SPOCK1: variants seen among roughly 807,000 people sequenced by gnomAD.
SPOCK1 encodes the protein SPARC (osteonectin), cwcv and kazal like domains proteoglycan 1, also known as testican-1.
Under a neutral mutation model 55.3 loss-of-function variants are expected in SPOCK1, and 23 were observed. The ratio of observed to expected loss-of-function variants is 0.42; its 90% CI spans 0.30 to 0.59. The LOEUF is 0.59. Ranked by LOEUF, SPOCK1 falls within the 20% of genes least tolerant of loss-of-function variation. The pLI is 0.22. For synonymous variants in SPOCK1, 226 were observed against 221.0 expected (o/e 1.02, Z -0.20); for missense variants, 499 against 552.5 (o/e 0.90, Z 0.97).
At chr5:137,232,257 C>A (rs1161970930) in intron 3 of SPOCK1, among the ~76,000 whole-genome samples, 1 of 152,108 alleles carries the variant, frequency 6.6e-6, no homozygotes. Context: ...AGTCTGAATT[C>A]TTTGTCTAGG....
rs60079236 is a variant in SPOCK1 at position 137,283,612 on chromosome 5, G to A, written c.187-16557C>T. 1.4e-3 allele frequency among the ~76,000 whole-genome samples: 218 copies of A among 152,264 alleles called. 1 individual carries two copies. Among genetic ancestry groups the A allele is most frequent in the African/African-American group, 5.1e-3 (212 of 41,546 alleles). The stretch of plus-strand genomic sequence containing the variant: ...CACCTGCAGTCCCAGCTACCTGGGA[G>A]GATGAGACAGGAGAATCACTTGAAC... On this transcript the variant is annotated intron_variant, in intron 2 of 10. Transcript: ENST00000394945.
intron 5 of SPOCK1, among the ~76,000 whole-genome samples, chr5:137,073,834 T>C (rs1462957679): frequency 6.6e-6 from 1 of 152,216 alleles, no homozygotes; most frequent in African/African-American, 2.4e-5. Context: ...GAATGAAACA[T>C]TCACACAGTC....
intron 6 of SPOCK1, among the ~76,000 whole-genome samples, chr5:137,008,506 T>A (rs552692804): frequency 6.6e-6 from 1 of 152,226 alleles, no homozygotes; most frequent in African/African-American, 2.4e-5. Flanking sequence ...GTGCTATCAA[T>A]AATAAATACT....
intron 5 of SPOCK1, among the ~76,000 whole-genome samples, chr5:137,111,770 C>T (rs976838987): frequency 6.6e-6 from 1 of 152,060 alleles, no homozygotes; most frequent in Non-Finnish European, 1.5e-5. Context: ...GAGGCTTTTC[C>T]TCATCTTTCC....
At chr5:137,245,884 A>G (rs1020902576) in intron 3 of SPOCK1, among the ~76,000 whole-genome samples, 5 of 152,224 alleles carry the variant, frequency 3.3e-5, no homozygotes, top group African/African-American at 1.2e-4. Context: ...ATTAACATAT[A>G]AAAGGCTTTG....
chr5:137,303,420 C>A (rs1342145680), intron 2 of SPOCK1, among the ~76,000 whole-genome samples: 2 of 151,932 alleles, frequency 1.3e-5, no homozygotes, highest in East Asian at 1.9e-4. Context: ...GTCTCTGTAG[C>A]CTTAACTCAG....
At chr5:137,134,717 A>G (rs1753948304) in intron 4 of SPOCK1, among the ~76,000 whole-genome samples, 1 of 152,202 alleles carries the variant, frequency 6.6e-6, no homozygotes, top group South Asian at 2.1e-4. Context: ...AGCTATGTGT[A>G]TGTGTAATCA....
At chr5:137,237,904 T>A (rs1021743444) in intron 3 of SPOCK1, among the ~76,000 whole-genome samples, 3 of 152,210 alleles carry the variant, frequency 2.0e-5, no homozygotes, top group African/African-American at 7.2e-5. Context: ...AAGGCACTGC[T>A]TCAGGAAATA....
At position 137,141,012 on chromosome 5, in the gene SPOCK1, G is replaced by A. The variant is rs370520964; in HGVS notation, c.233-318C>T. Among the ~76,000 whole-genome samples, 46 of 152,086 alleles carry A rather than the reference G, an allele frequency of 3.0e-4. 1 individual carries two copies. The South Asian group carries it at 9.5e-3, about 32-fold the overall frequency. On this transcript the variant is annotated intron_variant, in intron 3 of 10. Coordinates refer to ENST00000394945, the MANE Select transcript of SPOCK1 (RefSeq NM_004598.4). Reference sequence around the variant, plus strand: ...CGACTTCAGATGATCCACCTGCCTCGACCTCCCAAAGTGCTGGGATTACAG... The same window carrying A: ...CGACTTCAGATGATCCACCTGCCTCAACCTCCCAAAGTGCTGGGATTACAG...
chr5:137,271,157 G>A (rs958195844), intron 2 of SPOCK1, among the ~76,000 whole-genome samples: 4 of 151,846 alleles, frequency 2.6e-5, no homozygotes, highest in African/African-American at 9.7e-5. Context: ...TAAGACTCCA[G>A]TTATTGTTTT....
intron 5 of SPOCK1, among the ~76,000 whole-genome samples, chr5:137,099,619 T>C (rs1753223440): frequency 6.6e-6 from 1 of 151,774 alleles, no homozygotes; most frequent in African/African-American, 2.4e-5. Context: ...CACACACATA[T>C]GTATATATAT....
intron 2 of SPOCK1, among the ~76,000 whole-genome samples, chr5:137,356,788 CA>C (rs1216483794): frequency 1.4e-5 from 1 of 72,422 alleles, no homozygotes; most frequent in East Asian, 4.0e-4. Context: ...AAGACTGTCT[CA>C]AAAAAAATAA....
intron 4 of SPOCK1, among the ~76,000 whole-genome samples, chr5:137,130,324 T>A (rs1753850326): frequency 1.3e-5 from 2 of 152,212 alleles, no homozygotes; most frequent in African/African-American, 2.4e-5. Context: ...CTATGCCCAC[T>A]CATCATAAAA....
At position 137,347,426 on chromosome 5, in the gene SPOCK1, T is replaced by C. The variant is rs556034620; in HGVS notation, c.187-80371A>G. ...GGTTCATGCTTCTTTGTCCTTCCAG[T>C]ATCAACTAAAACAGCCTCTTAGGCC... On this transcript the variant is annotated intron_variant, in intron 2 of 10. Transcript: ENST00000394945. Among the ~76,000 whole-genome samples the C allele has an allele frequency of 3.3e-5, 5 of 152,274 alleles. No homozygotes were observed. In the South Asian group the frequency reaches 1.0e-3, roughly 32 times the overall value.
At chr5:137,010,075 C>A (rs1751322838) in intron 6 of SPOCK1, among the ~76,000 whole-genome samples, 5 of 152,070 alleles carry the variant, frequency 3.3e-5, no homozygotes, top group Admixed American at 3.3e-4. Flanking sequence ...TGGGGTGTCC[C>A]CAGGGCCCTA....
intron 2 of SPOCK1, among the ~76,000 whole-genome samples, chr5:137,447,441 T>C (rs1753152440): frequency 6.6e-6 from 1 of 152,198 alleles, no homozygotes; most frequent in South Asian, 2.1e-4. Flanking sequence ...GAGGAGACTT[T>C]CTCAAATATC....
chr5:137,185,403 T>C (rs1755049036), intron 3 of SPOCK1, among the ~76,000 whole-genome samples: 1 of 152,206 alleles, frequency 6.6e-6, no homozygotes. Context: ...CTGCAGGTCA[T>C]GAGCTGAGGC....
chr5:137,434,166 G>A (rs1752806617), intron 2 of SPOCK1, among the ~76,000 whole-genome samples: 1 of 152,180 alleles, frequency 6.6e-6, no homozygotes, highest in Non-Finnish European at 1.5e-5. Context: ...ACCGAACACT[G>A]GTTTTTAAAA....
intron 2 of SPOCK1, among the ~76,000 whole-genome samples, chr5:137,321,273 G>A (rs982177373): frequency 6.6e-6 from 1 of 151,090 alleles, no homozygotes; most frequent in African/African-American, 2.4e-5. Context: ...TATATTATAG[G>A]TATTCCAGAA....
Sources: allele counts gnomAD v4.1 joint callset (sites outside exome capture counted in the v4.1 genomes callset), GRCh38; gene constraint gnomAD v4.1.1; transcripts MANE v1.5; gene names NCBI Gene and HGNC (gene_info 2026-07-23, HGNC 2026-07-21).